The following TMEM131L variants were observed in gnomAD, a reference collection of about 807,000 sequenced individuals.
TMEM131L encodes transmembrane 131 like.
A neutral mutation model predicts 192.2 loss-of-function variants in TMEM131L; 54 were observed. The observed-to-expected ratio is 0.28, with a 90% CI of 0.23 to 0.35. The LOEUF (loss-of-function observed/expected upper bound fraction) is 0.35. TMEM131L is among the 10% of genes least tolerant of loss of function. The pLI is 1.00. For missense variants in TMEM131L, 1,888 were observed against 1,972.9 expected, an observed-to-expected ratio of 0.96 and a Z score of 0.82; for synonymous variants, 701 against 704.9, an observed-to-expected ratio of 0.99 and a Z score of 0.09.
chr4:153,563,453 A>AC (rs1170561547), intron 7 of TMEM131L, among the ~76,000 whole-genome samples: 1 of 117,032 alleles, frequency 8.5e-6, no homozygotes, highest in African/African-American at 3.2e-5. Flanking sequence ...ACGGATATGT[A>AC]CCCTTTTTTT....
intron 3 of TMEM131L, among the ~76,000 whole-genome samples, chr4:153,505,138 G>T (rs1284308506): frequency 1.4e-5 from 2 of 139,608 alleles, no homozygotes; most frequent in Non-Finnish European, 3.0e-5. Context: ...ATGGAGTCTC[G>T]CTCTGTTGCC....
intron 3 of TMEM131L, among the ~76,000 whole-genome samples, chr4:153,522,677 C>T (rs1735203792): frequency 6.6e-6 from 1 of 152,304 alleles, no homozygotes; most frequent in African/African-American, 2.4e-5. Flanking sequence ...TAGCTGGGTT[C>T]CCTCGCCCTA....
chr4:153,615,292 A>G (rs1732899215), intron 26 of TMEM131L, among the ~76,000 whole-genome samples: 1 of 152,216 alleles, frequency 6.6e-6, no homozygotes, highest in African/African-American at 2.4e-5. Flanking sequence ...TATAATAATG[A>G]TTCCTACCAA....
chr4:153,558,147 T>C (rs951866478), intron 6 of TMEM131L, 111 bp from the exon 7 acceptor site: 3 of 559,236 alleles, frequency 5.4e-6, no homozygotes, highest in Non-Finnish European at 1.0e-5. Context: ...TAGTAGAGTC[T>C]TGAAGGCCAT....
At chr4:153,482,171 G>A (rs1183681675) in intron 3 of TMEM131L, among the ~76,000 whole-genome samples, 1 of 152,106 alleles carries the variant, frequency 6.6e-6, no homozygotes, top group African/African-American at 2.4e-5. Context: ...CTGAGTTTCT[G>A]TAGTTGGTTG....
intron 7 of TMEM131L, among the ~76,000 whole-genome samples, chr4:153,571,207 C>A (rs1729567520): frequency 6.6e-6 from 1 of 152,152 alleles, no homozygotes; most frequent in African/African-American, 2.4e-5. Flanking sequence ...ATAAGAGATA[C>A]TCTCCTGTCA....
At chr4:153,486,275 A>G (rs1732324755) in intron 3 of TMEM131L, among the ~76,000 whole-genome samples, 1 of 152,260 alleles carries the variant, frequency 6.6e-6, no homozygotes, top group Non-Finnish European at 1.5e-5. Context: ...ATCCACAGAT[A>G]TTCAGCTACA....
intron 25 of TMEM131L, among the ~76,000 whole-genome samples, chr4:153,605,957 C>T (rs1732202404): frequency 1.3e-5 from 2 of 152,120 alleles, no homozygotes; most frequent in Admixed American, 1.3e-4. Context: ...CCGTTTGTAC[C>T]GTTTCCCCTG....
chr4:153,569,723 C>T (rs1729456421), intron 7 of TMEM131L, among the ~76,000 whole-genome samples: 1 of 152,146 alleles, frequency 6.6e-6, no homozygotes, highest in African/African-American at 2.4e-5. Context: ...TAATAATAGC[C>T]CTTTCGGATA....
At chr4:153,597,587 T>C (rs1487577073) in intron 20 of TMEM131L, among the ~76,000 whole-genome samples, 1 of 152,208 alleles carries the variant, frequency 6.6e-6, no homozygotes, top group Non-Finnish European at 1.5e-5. Context: ...TTGCTGCTTC[T>C]ATAGTATTTA....
At chr4:153,598,151 T>C (rs560364121) in intron 20 of TMEM131L, among the ~76,000 whole-genome samples, 1 of 152,332 alleles carries the variant, frequency 6.6e-6, no homozygotes, top group Admixed American at 6.5e-5. Context: ...TTACGATTAC[T>C]ATGAAAACAC....
chr4:153,630,196 G>A (rs913448679), intron 31 of TMEM131L, among the ~76,000 whole-genome samples: 3 of 152,156 alleles, frequency 2.0e-5, no homozygotes, highest in Non-Finnish European at 4.4e-5. Context: ...TTTCACATGC[G>A]TACATCATTC....
chr4:153,550,169 C>T, intron 4 of TMEM131L, 28 bp downstream of exon 4: 2 of 961,850 alleles, frequency 2.1e-6, no homozygotes, highest in East Asian at 2.9e-5. Flanking sequence ...ATAATTAAAA[C>T]TCATTTTATT....
intron 3 of TMEM131L, among the ~76,000 whole-genome samples, chr4:153,482,133 C>T (rs961847946): frequency 3.9e-5 from 6 of 152,162 alleles, no homozygotes; most frequent in East Asian, 1.9e-4. Flanking sequence ...TGTACACCAC[C>T]GTGCCTGGCA....
chr4:153,631,532 A>C (rs547008352), intron 31 of TMEM131L, among the ~76,000 whole-genome samples: 2 of 152,144 alleles, frequency 1.3e-5, no homozygotes, highest in Non-Finnish European at 2.9e-5. Flanking sequence ...TGGGACCCCA[A>C]AGCTTTTATA....
chr4:153,622,675 A>C (rs965168403), intron 28 of TMEM131L, among the ~76,000 whole-genome samples: 3 of 152,200 alleles, frequency 2.0e-5, no homozygotes, highest in African/African-American at 7.2e-5. Flanking sequence ...TGGCCCTCTT[A>C]GCCCCTAATT....
rs184543901 is a variant in TMEM131L at position 153,506,554 on chromosome 4, G to C, written c.239+32666G>C. On this transcript the variant is annotated intron_variant, in intron 3 of 34. Coordinates refer to ENST00000409959, the MANE Select transcript of TMEM131L (RefSeq NM_001131007.2). The stretch of plus-strand genomic sequence containing the variant: ...ATTTCAGCAAAATGACTGATACTAA[G>C]TATTTACGCCGGGTGCGGTGGCTCA... Among the ~76,000 whole-genome samples the C allele has an allele frequency of 1.1e-3, 173 of 152,154 alleles. 2 individuals carry two copies. Among genetic ancestry groups the C allele is most frequent in the African/African-American group, 4.0e-3 (166 of 41,536 alleles).
At chr4:153,478,853 C>T (rs796675797) in intron 3 of TMEM131L, among the ~76,000 whole-genome samples, 14 of 152,112 alleles carry the variant, frequency 9.2e-5, no homozygotes, top group African/African-American at 3.4e-4. Context: ...ATTTTAATAA[C>T]TACCCCACGA....
intron 21 of TMEM131L, among the ~76,000 whole-genome samples, chr4:153,601,449 T>C (rs1445568328): frequency 2.6e-5 from 4 of 151,916 alleles, no homozygotes; most frequent in Non-Finnish European, 4.4e-5. Flanking sequence ...ATTGTTGGAG[T>C]CCAGGAGTTC....
Sources: allele counts gnomAD v4.1 joint callset (sites outside exome capture counted in the v4.1 genomes callset), GRCh38; gene constraint gnomAD v4.1.1; transcripts MANE v1.5; gene names NCBI Gene and HGNC (gene_info 2026-07-23, HGNC 2026-07-21).